FRMD5: variants seen among roughly 807,000 people sequenced by gnomAD.
FRMD5 encodes the protein FERM domain containing 5.
A neutral mutation model predicts 69.0 loss-of-function variants in FRMD5; 20 were observed. That is an observed-to-expected ratio of 0.29 (90% CI 0.20 to 0.42). The LOEUF (loss-of-function observed/expected upper bound fraction) is 0.42. FRMD5 is among the 10% of genes least tolerant of loss of function. FRMD5 has a pLI of 1.00. For synonymous variants in FRMD5, 271 were observed against 260.1 expected, an observed-to-expected ratio of 1.04 and a Z score of -0.40; for missense variants, 595 against 708.6, an observed-to-expected ratio of 0.84 and a Z score of 1.82.
intron 4 of FRMD5, 151 bp downstream of exon 4, chr15:43,919,308 G>A (rs2089451224): frequency 1.3e-6 from 1 of 796,784 alleles, no homozygotes; most frequent in Non-Finnish European, 2.3e-6. Context: ...AAAGCATGTG[G>A]AAATGAAATA....
intron 1 of FRMD5, among the ~76,000 whole-genome samples, chr15:44,037,469 CTTTTTTT>C (rs777164587): frequency 1.5e-5 from 2 of 137,554 alleles, no homozygotes; most frequent in African/African-American, 2.7e-5. Flanking sequence ...TGTCTTTTCT[CTTTTTTT>C]TTTTTTTTTT....
chr15:43,906,090 G>A lies in FRMD5; in HGVS notation c.428-139C>T, dbSNP rs76332091. The A allele has an allele frequency of 5.0e-3, 5,645 of 1,124,700 alleles. 363 individuals carry two copies. The Admixed American group carries it at 0.11, about 21-fold the overall frequency. The allele number at this position is 1,124,700 out of a possible 1,614,324, so 69.7% of individuals were successfully genotyped here. ...GAAACAGTGGATTCTGAGCACGGCT[G>A]TGGGCTGGGCAGAGGGCAGGCCCTT... On this transcript the variant is annotated intron_variant, in intron 5 of 13. Coordinates refer to ENST00000417257, the MANE Select transcript of FRMD5 (RefSeq NM_032892.5).
intron 1 of FRMD5, among the ~76,000 whole-genome samples, chr15:44,108,648 TAAC>T (rs2076753833): frequency 6.6e-6 from 1 of 151,580 alleles, no homozygotes; most frequent in Admixed American, 6.6e-5. Flanking sequence ...TCTGTCTCAA[TAAC>T]AACACCAAAA....
intron 1 of FRMD5, among the ~76,000 whole-genome samples, chr15:44,099,096 C>T (rs1480916884): frequency 2.0e-5 from 3 of 152,178 alleles, no homozygotes; most frequent in Non-Finnish European, 2.9e-5. Context: ...AGCCAATCAC[C>T]TTCACATATA....
chr15:44,147,135 G>C (rs2077368981), intron 1 of FRMD5, among the ~76,000 whole-genome samples: 1 of 152,154 alleles, frequency 6.6e-6, no homozygotes, highest in Admixed American at 6.5e-5. Context: ...TTACATTTAA[G>C]TCTTTAATTC....
chr15:44,149,096 T>C (rs1240693550), intron 1 of FRMD5, among the ~76,000 whole-genome samples: 1 of 152,142 alleles, frequency 6.6e-6, no homozygotes, highest in Non-Finnish European at 1.5e-5. Flanking sequence ...GCACACACAA[T>C]GTATAAGGAT....
chr15:44,074,630 C>A (rs1438281845), intron 1 of FRMD5, among the ~76,000 whole-genome samples: 1 of 151,976 alleles, frequency 6.6e-6, no homozygotes, highest in Non-Finnish European at 1.5e-5. Context: ...CCTGCCTATT[C>A]TTCATCTAAT....
intron 1 of FRMD5, among the ~76,000 whole-genome samples, chr15:44,187,615 T>A (rs2078124177): frequency 1.3e-5 from 2 of 151,754 alleles, no homozygotes; most frequent in Admixed American, 1.3e-4. Context: ...TAGCCCAGGC[T>A]GGAGTACAAT....
intron 1 of FRMD5, among the ~76,000 whole-genome samples, chr15:44,150,824 G>A (rs2077432751): frequency 1.3e-5 from 2 of 152,056 alleles, no homozygotes; most frequent in African/African-American, 2.4e-5. Flanking sequence ...GGGTGCCGTG[G>A]CCCACGTCTG....
chr15:43,919,202 G>T, intron 4 of FRMD5: 1 of 618,092 alleles, frequency 1.6e-6, no homozygotes, highest in East Asian at 3.5e-5. Flanking sequence ...AGTTACTCCA[G>T]AGCCCTTTGA....
At chr15:44,183,866 G>A (rs548805591) in intron 1 of FRMD5, among the ~76,000 whole-genome samples, 9 of 151,814 alleles carry the variant, frequency 5.9e-5, no homozygotes, top group African/African-American at 1.9e-4. Context: ...CCTACAGTCC[G>A]AGCTACTGGG....
At position 44,123,994 on chromosome 15, in the gene FRMD5, G is replaced by GT. The variant is rs1413439424; in HGVS notation, c.102+70958dup. Among the ~76,000 whole-genome samples, 6 of 151,858 alleles carry GT rather than the reference G, an allele frequency of 4.0e-5. No individual in the cohort carries two copies. The East Asian group carries it at 9.7e-4, about 25-fold the overall frequency. ...ATTGTTCATATCTTTTGGTTGTTTTGTTTTTTTGTTTTTTGAGACAGAGTT... is the reference window on the plus strand; with the variant it reads ...ATTGTTCATATCTTTTGGTTGTTTTGTTTTTTTTGTTTTTTGAGACAGAGTT... On this transcript the variant is annotated intron_variant, in intron 1 of 13. Coordinates refer to ENST00000417257, the MANE Select transcript of FRMD5 (RefSeq NM_032892.5).
chr15:44,104,364 A>C (rs536291817), intron 1 of FRMD5, among the ~76,000 whole-genome samples: 21 of 152,292 alleles, frequency 1.4e-4, no homozygotes, highest in African/African-American at 4.1e-4. Flanking sequence ...TTGAAGAAAA[A>C]AATTTTTACA....
chr15:43,889,725 C>G (rs1299709100), intron 8 of FRMD5, among the ~76,000 whole-genome samples: 1 of 152,106 alleles, frequency 6.6e-6, no homozygotes. Context: ...TGGAACTAGG[C>G]CTCAGCACTG....
At chr15:43,874,544 G>A (rs2088271718) in intron 13 of FRMD5, 82 bp from the exon 14 acceptor site, 2 of 1,003,016 alleles carry the variant, frequency 2.0e-6, no homozygotes, top group Admixed American at 1.8e-5. Flanking sequence ...GTTTTATTGG[G>A]TACCATTCTG....
chr15:44,180,611 C>G lies in FRMD5; in HGVS notation c.102+14342G>C, dbSNP rs140266589. Among the ~76,000 whole-genome samples the G allele has an allele frequency of 3.7e-3, 560 of 152,166 alleles. 2 individuals are homozygous for G. The highest frequency in any genetic ancestry group is 0.013 in the African/African-American group (549 of 41,502). The stretch of plus-strand genomic sequence containing the variant: ...ACCAACCTGGCCAACATGGTGAAAC[C>G]CTGTCTCCACTAAAAATACAAAAAT... On this transcript the variant is annotated intron_variant, in intron 1 of 13. Coordinates refer to ENST00000417257, the MANE Select transcript of FRMD5 (RefSeq NM_032892.5).
Position 43,921,004 on chromosome 15 carries a change from C to A in FRMD5, c.208-1195G>T, listed in dbSNP as rs368950345. 7.2e-5 allele frequency among the ~76,000 whole-genome samples: 11 copies of A among 152,346 alleles called. No individual in the cohort carries two copies. In the East Asian group the frequency reaches 1.5e-3, roughly 21 times the overall value. On this transcript the variant is annotated intron_variant, in intron 2 of 13. Transcript: ENST00000417257. ...CTTCTGTCAGCTCCACATGGATAAT[C>A]TGGACTGACATTCTGCTCTCCTGCT... is the stretch of plus-strand genomic sequence containing the variant.
At position 43,999,924 on chromosome 15, in the gene FRMD5, T is replaced by TATATATATATATATATATATGCCATGC. The variant is rs1566889625; in HGVS notation, c.103-75616_103-75615insGCATGGCATATATATATATATATATAT. On this transcript the variant is annotated intron_variant, in intron 1 of 13. Coordinates refer to ENST00000417257, the MANE Select transcript of FRMD5 (RefSeq NM_032892.5). ...CATTTTATATTTGTGTGTGTGTATG[T>TATATATATATATATATATATGCCATGC]ATATATATATATATATATATATGCC... 2.7e-4 allele frequency among the ~76,000 whole-genome samples: 15 copies of TATATATATATATATATATATGCCATGC among 55,784 alleles called. 2 individuals carry two copies. The highest frequency in any genetic ancestry group is 1.1e-3 in the African/African-American group (13 of 12,320). 36.6% of individuals were successfully genotyped at this position (55,784 alleles called of 152,430 possible). A position where few individuals can be genotyped will look rare whatever the true frequency, so the allele number is the denominator to read the frequency against.
intron 1 of FRMD5, among the ~76,000 whole-genome samples, chr15:43,955,737 C>T (rs374919895): frequency 6.6e-6 from 1 of 152,120 alleles, no homozygotes; most frequent in South Asian, 2.1e-4. Context: ...ACAAATTATT[C>T]TTCTATATGT....
Sources: gnomAD v4.1 joint callset for allele counts (sites outside exome capture counted in the v4.1 genomes callset) on GRCh38, gnomAD v4.1.1 for gene constraint, MANE v1.5 for transcripts, NCBI Gene and HGNC (gene_info 2026-07-23, HGNC 2026-07-21) for gene names.